STX18: variants seen among roughly 807,000 people sequenced by gnomAD.
STX18 encodes the protein syntaxin 18.
In STX18, 40 loss-of-function variants were observed where a neutral mutation model predicts 50.1. The ratio of observed to expected loss-of-function variants is 0.80; its 90% CI spans 0.62 to 1.04. The LOEUF is 1.04. Among genes scored for constraint, STX18 ranks in the 50% least tolerant of loss-of-function variants. The pLI, the probability that STX18 is intolerant of heterozygous loss-of-function variation, is 0.00. For synonymous variants in STX18, 158 were observed against 151.8 expected, an observed-to-expected ratio of 1.04 and a Z score of -0.30; for missense variants, 410 against 415.8, an observed-to-expected ratio of 0.99 and a Z score of 0.12.
intron 1 of STX18, among the ~76,000 whole-genome samples, chr4:4,525,228 C>A (rs1171087307): frequency 6.6e-6 from 1 of 152,086 alleles, no homozygotes; most frequent in Admixed American, 6.5e-5. Context: ...ATCCTAGAGG[C>A]AATTTAACTT....
rs190617993 is a variant in STX18 at position 4,490,386 on chromosome 4, C to T, written c.169-18680G>A. Reference sequence around the variant, plus strand: ...TGGAGTTGTACTGAACACAAAATGCCGATTTGCAATTATGAGGTCAATCTC... The same window carrying T: ...TGGAGTTGTACTGAACACAAAATGCTGATTTGCAATTATGAGGTCAATCTC... On this transcript the variant is annotated intron_variant, in intron 1 of 10. Transcript: ENST00000306200. 7.9e-5 allele frequency among the ~76,000 whole-genome samples: 12 copies of T among 152,104 alleles called. No individual in the cohort carries two copies. In the East Asian group the frequency reaches 1.5e-3, roughly 20 times the overall value.
At chr4:4,423,650 C>A (rs1725082409) in intron 8 of STX18, 63 bp from the exon 9 acceptor site, 2 of 1,507,524 alleles carry the variant, frequency 1.3e-6, no homozygotes, top group Non-Finnish European at 1.8e-6. Context: ...AGGACTGTTA[C>A]ACACTTCTAA....
chr4:4,440,466 C>G (rs571091207), intron 5 of STX18, among the ~76,000 whole-genome samples: 4 of 152,322 alleles, frequency 2.6e-5, no homozygotes, highest in Admixed American at 2.6e-4. Flanking sequence ...GAACCTAGCT[C>G]TGAAGCCCAT....
chr4:4,490,101 T>C (rs1329988137), intron 1 of STX18, among the ~76,000 whole-genome samples: 1 of 152,146 alleles, frequency 6.6e-6, no homozygotes, highest in African/African-American at 2.4e-5. Context: ...AAATTTACAA[T>C]AAAAATGTAA....
chr4:4,475,312 G>A (rs1301141762), intron 1 of STX18, among the ~76,000 whole-genome samples: 2 of 152,128 alleles, frequency 1.3e-5, no homozygotes, highest in African/African-American at 2.4e-5. Flanking sequence ...GGTGTGTTAA[G>A]TAATTACTGA....
intron 2 of STX18, among the ~76,000 whole-genome samples, chr4:4,462,390 G>C (rs900924224): frequency 2.0e-5 from 3 of 152,156 alleles, no homozygotes. Flanking sequence ...CTAGCACAAA[G>C]GCAAGTTATA....
upstream of STX18, chr4:4,542,268 G>T: frequency 3.6e-6 from 1 of 276,478 alleles, no homozygotes; most frequent in Non-Finnish European, 6.8e-6. Flanking sequence ...GTGTCTGTTT[G>T]GGGCGTGTGG....
chr4:4,510,056 A>G (rs73088236), intron 1 of STX18, among the ~76,000 whole-genome samples: 6,839 of 152,206 alleles, frequency 0.045, 545 homozygotes, highest in African/African-American at 0.15. Context: ...GGAAATATAA[A>G]TCTGGGAGTT....
rs75978143 is a variant in STX18, at chr4:4,451,427, G to A, written c.497+5764C>T. Among the ~76,000 whole-genome samples the A allele has an allele frequency of 8.7e-4, 132 of 152,244 alleles. No homozygotes were observed. The East Asian group carries it at 0.022, about 26-fold the overall frequency. ...ATACAGCCGTACCTTGTTTCAGTATGCCTTGCTTTATTGCACTCTGCAGAT... is the reference window on the plus strand; with the variant it reads ...ATACAGCCGTACCTTGTTTCAGTATACCTTGCTTTATTGCACTCTGCAGAT... On this transcript the variant is annotated intron_variant, in intron 5 of 10. Transcript: ENST00000306200.
chr4:4,463,184 A>C (rs532334867), intron 2 of STX18, among the ~76,000 whole-genome samples: 4 of 152,194 alleles, frequency 2.6e-5, no homozygotes, highest in Non-Finnish European at 5.9e-5. Flanking sequence ...CCAGAGAGTA[A>C]ACATGTTAGA....
At chr4:4,540,123 A>G (rs1365839856) in intron 1 of STX18, among the ~76,000 whole-genome samples, 2 of 152,222 alleles carry the variant, frequency 1.3e-5, no homozygotes, top group Admixed American at 6.5e-5. Flanking sequence ...TGTTACATAT[A>G]GAGGACCAAG....
chr4:4,425,281 C>G, intron 7 of STX18, 59 bp from the exon 8 acceptor site: 1 of 1,496,418 alleles, frequency 6.7e-7, no homozygotes, highest in Non-Finnish European at 9.3e-7. Context: ...AAGAGTCTAG[C>G]AAGAAAGCGG....
intron 1 of STX18, among the ~76,000 whole-genome samples, chr4:4,501,584 A>G (rs557720382): frequency 6.6e-6 from 1 of 152,274 alleles, no homozygotes; most frequent in Admixed American, 6.5e-5. Flanking sequence ...TTGCGTTCTA[A>G]CATTTTATGA....
chr4:4,469,578 G>A (rs1193057056), intron 2 of STX18, among the ~76,000 whole-genome samples: 3 of 152,006 alleles, frequency 2.0e-5, no homozygotes, highest in African/African-American at 7.2e-5. Context: ...TGCTTGTACC[G>A]CTGAATGTAT....
At chr4:4,486,289 G>T (rs1282136377) in intron 1 of STX18, among the ~76,000 whole-genome samples, 1 of 152,134 alleles carries the variant, frequency 6.6e-6, no homozygotes, top group African/African-American at 2.4e-5. Flanking sequence ...AGTTACTGAG[G>T]TTATCAGACT....
chr4:4,433,633 G>A (rs957533416), intron 7 of STX18, among the ~76,000 whole-genome samples: 8 of 152,206 alleles, frequency 5.3e-5, no homozygotes, highest in African/African-American at 9.6e-5. Flanking sequence ...TGCTCTATGC[G>A]GGAAATCAAG....
chr4:4,442,860 C>T (rs1726197076), intron 5 of STX18, among the ~76,000 whole-genome samples: 1 of 141,230 alleles, frequency 7.1e-6, no homozygotes. Flanking sequence ...AAAAGACCAA[C>T]AGCCCTACAG....
intron 5 of STX18, chr4:4,453,509 G>A (rs1364907079): frequency 5.9e-6 from 1 of 168,522 alleles, no homozygotes; most frequent in African/African-American, 2.4e-5. Flanking sequence ...TAGACATAAT[G>A]TTATTGCACA....
At chr4:4,457,719 A>G (rs1010497346) in intron 3 of STX18, among the ~76,000 whole-genome samples, 2 of 152,252 alleles carry the variant, frequency 1.3e-5, no homozygotes, top group Admixed American at 1.3e-4. Context: ...TAGTCAAATA[A>G]TTTATGGTTT....
Sources: allele counts gnomAD v4.1 joint callset (sites outside exome capture counted in the v4.1 genomes callset), GRCh38; gene constraint gnomAD v4.1.1; transcripts MANE v1.5; gene names NCBI Gene and HGNC (gene_info 2026-07-23, HGNC 2026-07-21).